The following CNTNAP5 variants were observed in gnomAD, a reference collection of about 807,000 sequenced individuals.
CNTNAP5 encodes contactin associated protein family member 5.
In CNTNAP5, 72 loss-of-function variants were observed where a neutral mutation model predicts 150.2. The ratio of observed to expected loss-of-function variants is 0.48; its 90% CI spans 0.40 to 0.58. The LOEUF is 0.58. Ranked by LOEUF, CNTNAP5 falls within the 20% of genes least tolerant of loss-of-function variation. The pLI is 0.00. For missense variants in CNTNAP5, 1,636 were observed against 1,626.2 expected (o/e 1.01, Z -0.10); for synonymous variants, 672 against 619.8 (o/e 1.08, Z -1.25).
intron 21 of CNTNAP5, among the ~76,000 whole-genome samples, chr2:124,900,874 G>A (rs1292726793): frequency 6.6e-6 from 1 of 151,552 alleles, no homozygotes; most frequent in African/African-American, 2.4e-5. Flanking sequence ...CCACCAATCT[G>A]TAGCTAATGC....
chr2:124,520,480 A>T (rs2104882279), intron 8 of CNTNAP5, among the ~76,000 whole-genome samples: 1 of 152,330 alleles, frequency 6.6e-6, no homozygotes, highest in African/African-American at 2.4e-5. Context: ...GCCACGAACA[A>T]CATATAAAAT....
Position 124,746,925 on chromosome 2 carries a change from C to T in CNTNAP5, c.2078-304C>T, listed in dbSNP as rs190635345. ...TATACAAACATTTTGATGAAAATGT[C>T]GTTTATATGTGTACATATATGGGCA... On this transcript the variant is annotated intron_variant, in intron 13 of 23. Coordinates refer to ENST00000682447, the MANE Select transcript of CNTNAP5 (RefSeq NM_001367498.1). Among the ~76,000 whole-genome samples the T allele has an allele frequency of 3.7e-3, 566 of 151,648 alleles. 4 individuals are homozygous for T. Among genetic ancestry groups the T allele is most frequent in the African/African-American group, 0.013 (529 of 41,308 alleles).
At chr2:124,750,730 A>G (rs1034561258) in intron 14 of CNTNAP5, among the ~76,000 whole-genome samples, 6 of 152,078 alleles carry the variant, frequency 3.9e-5, no homozygotes, top group Non-Finnish European at 5.9e-5. Context: ...TCACACCTGT[A>G]ATCCCAGCAC....
intron 10 of CNTNAP5, among the ~76,000 whole-genome samples, chr2:124,547,817 G>T (rs1695547853): frequency 6.6e-6 from 1 of 152,166 alleles, no homozygotes; most frequent in South Asian, 2.1e-4. Context: ...ATGAGGGAGG[G>T]TGAGTGAAAT....
chr2:124,054,182 T>C (rs1196129517), intron 1 of CNTNAP5, among the ~76,000 whole-genome samples: 1 of 152,118 alleles, frequency 6.6e-6, no homozygotes, highest in Non-Finnish European at 1.5e-5. Context: ...AAGAGACATG[T>C]GTTCTTTGCC....
At chr2:124,911,290 C>T (rs1010857046) in intron 22 of CNTNAP5, among the ~76,000 whole-genome samples, 177 bp from the exon 23 acceptor site, 2 of 151,976 alleles carry the variant, frequency 1.3e-5, no homozygotes, top group Admixed American at 1.3e-4. Flanking sequence ...GAGCAGTGCA[C>T]TTCAAATGCT....
intron 6 of CNTNAP5, among the ~76,000 whole-genome samples, chr2:124,462,192 C>T (rs975941346): frequency 2.0e-5 from 3 of 151,772 alleles, no homozygotes; most frequent in Non-Finnish European, 4.4e-5. Flanking sequence ...ACCATTTGAC[C>T]AGAGGTTTAT....
chr2:124,518,543 G>A (rs186544511), intron 8 of CNTNAP5, among the ~76,000 whole-genome samples: 1 of 152,150 alleles, frequency 6.6e-6, no homozygotes, highest in Non-Finnish European at 1.5e-5. Flanking sequence ...ATATGGAATT[G>A]CCCTATGACT....
chr2:124,736,403 C>A (rs1222185722), intron 13 of CNTNAP5, among the ~76,000 whole-genome samples: 1 of 152,118 alleles, frequency 6.6e-6, no homozygotes, highest in Non-Finnish European at 1.5e-5. Context: ...TTAACATTTT[C>A]TTTCCCTTAT....
chr2:124,849,234 C>G (rs566158063), intron 19 of CNTNAP5, among the ~76,000 whole-genome samples: 1 of 152,108 alleles, frequency 6.6e-6, no homozygotes, highest in African/African-American at 2.4e-5. Context: ...AGAGGTTGTC[C>G]TTTTTTACAT....
chr2:124,155,298 C>T (rs538803146), intron 1 of CNTNAP5, among the ~76,000 whole-genome samples: 2 of 152,044 alleles, frequency 1.3e-5, no homozygotes, highest in Admixed American at 1.3e-4. Flanking sequence ...TAAACGTTTT[C>T]AGTTCCTTCA....
At chr2:124,073,143 A>T (rs1682350788) in intron 1 of CNTNAP5, among the ~76,000 whole-genome samples, 1 of 152,096 alleles carries the variant, frequency 6.6e-6, no homozygotes. Flanking sequence ...TGCTGGGAAA[A>T]CTGGACATCC....
chr2:124,362,607 A>G (rs996461963), intron 3 of CNTNAP5, among the ~76,000 whole-genome samples: 6 of 152,212 alleles, frequency 3.9e-5, no homozygotes, highest in Admixed American at 6.5e-5. Flanking sequence ...TAGAAAAAGA[A>G]AACTGTTATT....
At chr2:124,135,508 GA>G (rs926259187) in intron 1 of CNTNAP5, among the ~76,000 whole-genome samples, 2 of 151,210 alleles carry the variant, frequency 1.3e-5, no homozygotes, top group South Asian at 2.1e-4. Flanking sequence ...GAAAGACTAG[GA>G]AAAAAAAATT....
At position 124,083,018 on chromosome 2, in the gene CNTNAP5, A is replaced by G. The variant is rs574531050; in HGVS notation, c.82+57286A>G. Among the ~76,000 whole-genome samples the G allele has an allele frequency of 1.6e-4, 24 of 152,302 alleles. No individual in the cohort carries two copies. In the South Asian group the frequency reaches 4.8e-3, roughly 30 times the overall value. ...CTTACTGTTGTTTTAAGAGTTATAT[A>G]TACTGGATACTACCCCTTGGTTAGA... is the stretch of plus-strand genomic sequence containing the variant. On this transcript the variant is annotated intron_variant, in intron 1 of 23. Coordinates refer to ENST00000682447, the MANE Select transcript of CNTNAP5 (RefSeq NM_001367498.1).
intron 13 of CNTNAP5, among the ~76,000 whole-genome samples, chr2:124,659,114 T>G (rs6754751): frequency 0.56 from 84,442 of 152,074 alleles, 24,029 homozygotes; most frequent in Non-Finnish European, 0.62. Context: ...AAAATAACAT[T>G]AATGATACCC....
At chr2:124,111,661 A>G (rs1302082701) in intron 1 of CNTNAP5, among the ~76,000 whole-genome samples, 2 of 152,200 alleles carry the variant, frequency 1.3e-5, no homozygotes, top group Non-Finnish European at 2.9e-5. Context: ...GGGAATATCA[A>G]ACTTTCAAAA....
chr2:124,334,688 T>A (rs554843760), intron 3 of CNTNAP5, among the ~76,000 whole-genome samples: 2 of 152,202 alleles, frequency 1.3e-5, no homozygotes, highest in African/African-American at 2.4e-5. Flanking sequence ...ACTTTTGTTT[T>A]AGGTCAGATT....
intron 13 of CNTNAP5, among the ~76,000 whole-genome samples, chr2:124,677,805 G>C (rs1486059430): frequency 6.6e-6 from 1 of 151,772 alleles, no homozygotes; most frequent in Non-Finnish European, 1.5e-5. Flanking sequence ...CCTCTAGCTA[G>C]ACAGAAAAGT....
Sources: allele counts gnomAD v4.1 joint callset (sites outside exome capture counted in the v4.1 genomes callset), GRCh38; gene constraint gnomAD v4.1.1; transcripts MANE v1.5; gene names NCBI Gene and HGNC (gene_info 2026-07-23, HGNC 2026-07-21).